Variants in SLC25A48 observed in about 807,000 individuals in gnomAD.
SLC25A48 encodes the protein CTC-321K16.1.
A neutral mutation model predicts 32.2 loss-of-function variants in SLC25A48; 29 were observed. The ratio of observed to expected loss-of-function variants is 0.90; its 90% CI spans 0.67 to 1.23. The LOEUF (loss-of-function observed/expected upper bound fraction) is 1.23, where lower values mean the gene tolerates loss of function less well. Among genes scored for constraint, SLC25A48 ranks in the 50% most tolerant of loss-of-function variants. The pLI is 0.00. For synonymous variants in SLC25A48, 164 were observed against 172.3 expected, an observed-to-expected ratio of 0.95 and a Z score of 0.38; for missense variants, 399 against 422.7, an observed-to-expected ratio of 0.94 and a Z score of 0.49.
At chr5:135,671,136 C>A (rs952099403) in intron 3 of SLC25A48, among the ~76,000 whole-genome samples, 1 of 152,134 alleles carries the variant, frequency 6.6e-6, no homozygotes, top group African/African-American at 2.4e-5. Context: ...GATGAAAAAC[C>A]TAACTCTAAC....
chr5:135,787,877 G>T (rs572558998), intron 3 of SLC25A48, among the ~76,000 whole-genome samples: 39 of 151,780 alleles, frequency 2.6e-4, no homozygotes, highest in Non-Finnish European at 4.4e-4. Flanking sequence ...TGTCACAAAG[G>T]GTGTACACCT....
chr5:135,822,158 C>T (rs766530119), intron 4 of SLC25A48: 1 of 152,142 alleles, frequency 6.6e-6, no homozygotes, highest in African/African-American at 2.4e-5. Flanking sequence ...TTAGGTAAGC[C>T]CCCCCAACAG....
At position 135,888,224 on chromosome 5, in the gene SLC25A48, A is replaced by G. The variant is rs1762803514; in HGVS notation, c.*200A>G. The G allele has an allele frequency of 2.8e-6, 2 of 726,336 alleles. No homozygotes were observed. Among genetic ancestry groups the G allele is most frequent in the Non-Finnish European group, 4.5e-6 (2 of 446,166 alleles). 45.0% of individuals were successfully genotyped at this position (726,336 alleles called of 1,614,324 possible). A position where few individuals can be genotyped will look rare whatever the true frequency, so the allele number is the denominator to read the frequency against. ...CATGAGTCACTGATTCAAGCCCTCC[A>G]AGGTTCTGATCCCCAATGCCCACTC... On this transcript the variant is annotated 3_prime_UTR_variant, in exon 8 of 8. Coordinates refer to ENST00000681962, the MANE Select transcript of SLC25A48 (RefSeq NM_001349336.2).
intron 3 of SLC25A48, among the ~76,000 whole-genome samples, chr5:135,677,531 A>C (rs1753800220): frequency 6.6e-6 from 1 of 150,998 alleles, no homozygotes; most frequent in Admixed American, 6.6e-5. Context: ...TCTCTTATTG[A>C]TTATCTTTGT....
exon 4 of SLC25A48, chr5:135,812,574 A>T (rs993174328): frequency 4.6e-5 from 7 of 152,176 alleles, no homozygotes; most frequent in African/African-American, 1.4e-4. Flanking sequence ...TCCACCTGTG[A>T]TGTCTTCCTA....
intron 2 of SLC25A48, among the ~76,000 whole-genome samples, chr5:135,633,993 A>T (rs538430479): frequency 3.9e-5 from 6 of 152,292 alleles, no homozygotes; most frequent in African/African-American, 1.2e-4. Flanking sequence ...CCAGAGCTTG[A>T]GCTATTTTCA....
intron 3 of SLC25A48, among the ~76,000 whole-genome samples, chr5:135,778,678 G>C (rs1410429855): frequency 2.0e-5 from 3 of 147,812 alleles, no homozygotes; most frequent in African/African-American, 7.5e-5. Flanking sequence ...GTATCACAGG[G>C]GCTGTACACC....
intron 6 of SLC25A48, chr5:135,875,501 A>T (rs1761969080): frequency 6.6e-6 from 1 of 152,262 alleles, no homozygotes; most frequent in African/African-American, 2.4e-5. Context: ...GAACTACCAG[A>T]AGTCACTGTA....
intron 3 of SLC25A48, among the ~76,000 whole-genome samples, chr5:135,748,781 C>T (rs529544318): frequency 5.5e-5 from 8 of 145,466 alleles, no homozygotes; most frequent in African/African-American, 1.5e-4. Context: ...TGCAATGGCA[C>T]GATACTGGCT....
intron 3 of SLC25A48, among the ~76,000 whole-genome samples, chr5:135,676,126 T>C (rs1753763905): frequency 6.6e-6 from 1 of 151,964 alleles, no homozygotes; most frequent in Non-Finnish European, 1.5e-5. Flanking sequence ...TTTCTAGTTA[T>C]AGGATCATAT....
rs1329256061 is a variant in SLC25A48, at chr5:135,780,903, G to T, written c.-520-31620G>T. 5.2e-5 allele frequency among the ~76,000 whole-genome samples: 6 copies of T among 116,392 alleles called. 1 individual carries two copies. The highest frequency in any genetic ancestry group is 1.6e-4 in the African/African-American group (6 of 38,216). The allele number at this position is 116,392 out of a possible 152,430, so 76.4% of individuals were successfully genotyped here. On this transcript the variant is annotated intron_variant, in intron 3 of 10. Coordinates refer to the SLC25A48 transcript ENST00000646290. ...GGATAATATTACTCCCAATATTCCA[G>T]GGAGTGTACATCCCCCCGTAATATT...
At chr5:135,832,694 A>G (rs1032365134), upstream of SLC25A48, among the ~76,000 whole-genome samples, 2 of 152,206 alleles carry the variant, frequency 1.3e-5, no homozygotes, top group African/African-American at 4.8e-5. Flanking sequence ...ACTGATGCTC[A>G]GGAAATTGCT....
chr5:135,791,696 T>A (rs12656771), intron 3 of SLC25A48, among the ~76,000 whole-genome samples: 98,665 of 150,786 alleles, frequency 0.65, 34,219 homozygotes, highest in Non-Finnish European at 0.77. Flanking sequence ...TAAATTCACA[T>A]TGGGGGTACA....
upstream of SLC25A48, among the ~76,000 whole-genome samples, chr5:135,832,120 C>G (rs565854861): frequency 4.6e-5 from 7 of 152,208 alleles, no homozygotes; most frequent in African/African-American, 1.7e-4. Flanking sequence ...GAGGGATGCG[C>G]TAAGATGACC....
intron 6 of SLC25A48, among the ~76,000 whole-genome samples, chr5:135,878,095 C>A (rs1762185405): frequency 6.6e-6 from 1 of 152,200 alleles, no homozygotes; most frequent in African/African-American, 2.4e-5. Flanking sequence ...GTCTGGAGGT[C>A]ATATGCTCTG....
At chr5:135,725,438 G>T (rs141263826) in intron 3 of SLC25A48, among the ~76,000 whole-genome samples, 36 of 152,246 alleles carry the variant, frequency 2.4e-4, no homozygotes, top group Admixed American at 3.3e-4. Flanking sequence ...ACGTGCAAAG[G>T]CCCTGAGGTG....
At chr5:135,621,700 A>C (rs1752328916) in intron 1 of SLC25A48, among the ~76,000 whole-genome samples, 1 of 152,150 alleles carries the variant, frequency 6.6e-6, no homozygotes, top group Non-Finnish European at 1.5e-5. Context: ...ACTAAAAAAA[A>C]AAATTAGGTT....
intron 1 of SLC25A48, among the ~76,000 whole-genome samples, chr5:135,581,816 G>A (rs1751240650): frequency 6.6e-6 from 1 of 152,240 alleles, no homozygotes; most frequent in Admixed American, 6.5e-5. Context: ...CCATGGTACA[G>A]GAGAGCATGA....
intron 1 of SLC25A48, among the ~76,000 whole-genome samples, chr5:135,611,496 CAAAAAAAAA>C (rs57138043): frequency 8.2e-3 from 175 of 21,342 alleles, no homozygotes; most frequent in African/African-American, 0.026. Flanking sequence ...GACTCCATCT[CAAAAAAAAA>C]AAAAAAAAAA....
Sources: allele counts gnomAD v4.1 joint callset (sites outside exome capture counted in the v4.1 genomes callset), GRCh38; gene constraint gnomAD v4.1.1; transcripts MANE v1.5; gene names NCBI Gene and HGNC (gene_info 2026-07-23, HGNC 2026-07-21).